The following FAM135A variants were observed in gnomAD, a reference collection of about 807,000 sequenced individuals.
The protein encoded by FAM135A is family with sequence similarity 135 member A.
A neutral mutation model predicts 146.8 loss-of-function variants in FAM135A; 79 were observed. That is an observed-to-expected ratio of 0.54 (90% CI 0.45 to 0.65). The LOEUF (loss-of-function observed/expected upper bound fraction) is 0.65, where lower values mean the gene tolerates loss of function less well. FAM135A is among the 30% of genes least tolerant of loss of function. The pLI, the probability that FAM135A is intolerant of heterozygous loss-of-function variation, is 0.00. For missense variants in FAM135A, 1,623 were observed against 1,758.2 expected (o/e 0.92, Z 1.38); for synonymous variants, 562 against 603.6 (o/e 0.93, Z 1.01).
intron 20 of FAM135A, among the ~76,000 whole-genome samples, chr6:70,546,625 A>G (rs1402082545): frequency 6.6e-6 from 1 of 152,196 alleles, no homozygotes; most frequent in Non-Finnish European, 1.5e-5. Context: ...TATTTTTTAT[A>G]AAAATCATAA....
At chr6:70,559,664 A>G in intron 21 of FAM135A, 52 bp from the exon 22 acceptor site, 1 of 1,424,756 alleles carries the variant, frequency 7.0e-7, no homozygotes, top group Admixed American at 2.3e-5. Context: ...TAGTTTTTTT[A>G]TTTTCAGTTA....
At chr6:70,541,727 A>G (rs1449862039) in intron 20 of FAM135A, among the ~76,000 whole-genome samples, 2 of 152,156 alleles carry the variant, frequency 1.3e-5, no homozygotes, top group Non-Finnish European at 1.5e-5. Flanking sequence ...CTTACTTAGC[A>G]TCTTCATGGA....
chr6:70,421,528 C>T (rs887113933), intron 2 of FAM135A, among the ~76,000 whole-genome samples: 6 of 152,162 alleles, frequency 3.9e-5, no homozygotes, highest in Admixed American at 1.3e-4. Context: ...ATTGTTTACC[C>T]TATCAGGTTT....
chr6:70,505,237 A>G (rs1789494109), intron 12 of FAM135A, among the ~76,000 whole-genome samples: 1 of 152,188 alleles, frequency 6.6e-6, no homozygotes, highest in African/African-American at 2.4e-5. Flanking sequence ...GATCTTCTTT[A>G]GAAAATTTTA....
chr6:70,482,119 C>T lies in FAM135A; in HGVS notation c.788C>T (p.Thr263Ile). Residue 263 changes from threonine (T) to isoleucine (I), a missense_variant, in exon 10 of 22, where the codon ACA (threonine) becomes ATA (isoleucine). By Grantham distance (89) the Thr-to-Ile change is moderately conservative. Around this residue, in one of 7 missense-constraint regions of FAM135A, gnomAD observed 206 missense variants for 194.7 expected, o/e 1.06. Transcript: ENST00000418814. Reference protein sequence around the residue: ...KGLHSYFITVTEEIPSCQKLE... With the variant: ...KGLHSYFITVIEEIPSCQKLE... Reference sequence around the variant, plus strand: ...TTGCACAGCTACTTCATTACAGTAACAGAAGAGATTCCTTCTTGTCAGAAA... The same window carrying T: ...TTGCACAGCTACTTCATTACAGTAATAGAAGAGATTCCTTCTTGTCAGAAA... 1 of 1,613,656 alleles carries T rather than the reference C, an allele frequency of 6.2e-7. No homozygotes were observed. Among genetic ancestry groups the T allele is most frequent in the African/African-American group, 1.3e-5 (1 of 75,024 alleles).
intron 12 of FAM135A, among the ~76,000 whole-genome samples, chr6:70,521,094 TTTTG>T (rs1194346691): frequency 7.2e-5 from 11 of 152,236 alleles, no homozygotes; most frequent in East Asian, 3.8e-4. Context: ...AGAGGTTTTT[TTTTG>T]TTTGTTTTTT....
chr6:70,419,497 T>G (rs1768299348), intron 2 of FAM135A, among the ~76,000 whole-genome samples: 1 of 152,222 alleles, frequency 6.6e-6, no homozygotes, highest in Non-Finnish European at 1.5e-5. Context: ...CAATGCAAAA[T>G]TAGACTACCT....
chr6:70,470,187 T>A (rs981712939), intron 5 of FAM135A, among the ~76,000 whole-genome samples: 1 of 152,200 alleles, frequency 6.6e-6, no homozygotes, highest in Admixed American at 6.5e-5. Context: ...AAAGTCTGAT[T>A]GGAGTATGAA....
At chr6:70,462,353 C>G (rs1242311128) in intron 5 of FAM135A, among the ~76,000 whole-genome samples, 1 of 152,156 alleles carries the variant, frequency 6.6e-6, no homozygotes, top group Non-Finnish European at 1.5e-5. Flanking sequence ...TTATCAGAAC[C>G]TTGGTGTCTG....
intron 13 of FAM135A, 32 bp downstream of exon 13, chr6:70,522,618 A>T: frequency 6.5e-7 from 1 of 1,541,110 alleles, no homozygotes; most frequent in Non-Finnish European, 9.0e-7. Flanking sequence ...TTAAAATGAT[A>T]TTACTTCCTT....
rs563135220 is a variant in FAM135A at position 70,495,702 on chromosome 6, T to C, written c.873+4619T>C. ...GTTCAGAACTTGCAGGTTTGTTACA[T>C]AGGTGTACACGTGCCATGGTGGTTT... On this transcript the variant is annotated intron_variant, in intron 11 of 21. Coordinates refer to ENST00000418814, the MANE Select transcript of FAM135A (RefSeq NM_001162529.3). Among the ~76,000 whole-genome samples, 298 of 152,304 alleles carry C rather than the reference T, an allele frequency of 2.0e-3. 1 individual carries two copies. The highest frequency in any genetic ancestry group is 3.4e-3 in the Middle Eastern group (1 of 294).
At chr6:70,439,551 AG>A (rs1773979127) in intron 4 of FAM135A, among the ~76,000 whole-genome samples, 1 of 152,112 alleles carries the variant, frequency 6.6e-6, no homozygotes, top group Non-Finnish European at 1.5e-5. Flanking sequence ...TTCATTTTCT[AG>A]GGCACTTTTT....
intron 10 of FAM135A, among the ~76,000 whole-genome samples, chr6:70,489,481 C>T (rs572981299): frequency 3.3e-5 from 5 of 152,014 alleles, no homozygotes; most frequent in East Asian, 1.9e-4. Flanking sequence ...TTTATGTTAC[C>T]GGGTGGGGTA....
chr6:70,427,683 G>A (rs940126680), intron 3 of FAM135A, among the ~76,000 whole-genome samples: 4 of 152,106 alleles, frequency 2.6e-5, no homozygotes, highest in African/African-American at 9.7e-5. Context: ...CATGAAGAAC[G>A]TACCAAAGTA....
rs190165427 is a variant in FAM135A at position 70,516,103 on chromosome 6, T to A, written c.1030-6410T>A. On this transcript the variant is annotated intron_variant, in intron 12 of 21. Coordinates refer to ENST00000418814, the MANE Select transcript of FAM135A (RefSeq NM_001162529.3). ...GTCACTTCATGTATTTTAACCAGTT[T>A]TACAGTTGTTTGCAGAAGGAAGAGG... Among the ~76,000 whole-genome samples the A allele has an allele frequency of 3.6e-4, 55 of 152,288 alleles. No individual in the cohort carries two copies. In the East Asian group the frequency reaches 9.3e-3, roughly 26 times the overall value.
Position 70,481,720 on chromosome 6 carries a change from ATGTC to A in FAM135A, c.670-276_670-273del, listed in dbSNP as rs780091783. On this transcript the variant is annotated intron_variant, in intron 9 of 21. Coordinates refer to ENST00000418814, the MANE Select transcript of FAM135A (RefSeq NM_001162529.3). ...AAAGGGGACATACTATAAAAGCTGA[ATGTC>A]TGTCCTTCAGTCTAAATGTTATATA... Among the ~76,000 whole-genome samples, 112 of 152,266 alleles carry A rather than the reference ATGTC, an allele frequency of 7.4e-4. 2 individuals are homozygous for A. The highest frequency in any genetic ancestry group is 1.9e-3 in the Admixed American group (29 of 15,292).
chr6:70,437,693 G>A (rs777345940), intron 4 of FAM135A, among the ~76,000 whole-genome samples: 2 of 152,064 alleles, frequency 1.3e-5, no homozygotes, highest in Non-Finnish European at 2.9e-5. Context: ...AGAGCACGAT[G>A]GGAGAGAGTA....
chr6:70,417,679 C>T, intron 2 of FAM135A: 1 of 953,938 alleles, frequency 1.0e-6, no homozygotes, highest in Non-Finnish European at 1.2e-6. Flanking sequence ...AACTATGACA[C>T]TTGCTCTTTG....
Position 70,456,168 on chromosome 6 carries a change from G to C in FAM135A, c.157+3597G>C, listed in dbSNP as rs183059361. ...TGTCCTTGTATAATTCTCAGCAAAT[G>C]ATTGATTCAAATACCCAAAAGGAAG... On this transcript the variant is annotated intron_variant, in intron 5 of 21. Coordinates refer to ENST00000418814, the MANE Select transcript of FAM135A (RefSeq NM_001162529.3). 3.1e-3 allele frequency among the ~76,000 whole-genome samples: 474 copies of C among 152,272 alleles called. 4 individuals are homozygous for C. Among genetic ancestry groups the C allele is most frequent in the African/African-American group, 0.011 (447 of 41,558 alleles).
Sources: gnomAD v4.1 joint callset for allele counts (sites outside exome capture counted in the v4.1 genomes callset) on GRCh38, gnomAD v4.1.1 for gene constraint, gnomAD v4.1.1 regional missense constraint, MANE v1.5 for transcripts, NCBI Gene and HGNC (gene_info 2026-07-23, HGNC 2026-07-21) for gene names.